MRPS5: variants seen among roughly 807,000 people sequenced by gnomAD.
MRPS5 encodes the protein small ribosomal subunit protein uS5m.
MRPS5 carries 27 observed loss-of-function variants against 51.9 expected under a neutral mutation model. The observed-to-expected ratio is 0.52, with a 90% confidence interval of 0.38 to 0.72. The LOEUF is 0.72. Among genes scored for constraint, MRPS5 ranks in the 30% least tolerant of loss-of-function variants. The pLI is 0.00. For missense variants in MRPS5, 570 were observed against 545.7 expected (o/e 1.04, Z -0.44); for synonymous variants, 196 against 193.2 (o/e 1.01, Z -0.12).
At chr2:95,121,003 A>T (rs1211304071) in intron 1 of MRPS5, among the ~76,000 whole-genome samples, 1 of 152,168 alleles carries the variant, frequency 6.6e-6, no homozygotes, top group Admixed American at 6.5e-5. Context: ...CTGTAATCCC[A>T]GCTACTCAGG....
At chr2:95,114,936 T>C in intron 3 of MRPS5, 130 bp downstream of exon 3, 1 of 820,822 alleles carries the variant, frequency 1.2e-6, no homozygotes, top group Non-Finnish European at 1.8e-6. Flanking sequence ...TCAAGGAACA[T>C]TTTCATTTTA....
chr2:95,100,904 A>G lies in MRPS5; in HGVS notation c.811-10T>C. On this transcript the variant is annotated splice_polypyrimidine_tract_variant and intron_variant, in intron 8 of 11. Transcript: ENST00000272418. ...CTGCTCTGTTCTTTGCCTGAAAGGA[A>G]AATGTTTTTCTTAACTCTATTGTTG... 6.2e-7 allele frequency: 1 copy of G among 1,603,518 alleles called. No homozygotes were observed.
chr2:95,111,743 T>G (rs1676126162), intron 3 of MRPS5, among the ~76,000 whole-genome samples: 1 of 152,246 alleles, frequency 6.6e-6, no homozygotes, highest in African/African-American at 2.4e-5. Context: ...TTTTTCTTTA[T>G]GCATGCATAC....
At chr2:95,088,097 TC>T (rs1217777233) in intron 11 of MRPS5, among the ~76,000 whole-genome samples, 2 of 151,902 alleles carry the variant, frequency 1.3e-5, no homozygotes, top group Non-Finnish European at 2.9e-5. Context: ...ATTAACCTGT[TC>T]TGCAACCTGA....
At chr2:95,110,108 T>C (rs1305341248) in intron 3 of MRPS5, 67 bp from the exon 4 acceptor site, 2 of 1,564,200 alleles carry the variant, frequency 1.3e-6, no homozygotes, top group Non-Finnish European at 8.6e-7. Flanking sequence ...GATCTCCTAT[T>C]GAATAATAAG....
chr2:95,100,455 G>T lies in MRPS5; in HGVS notation c.931+19C>A. Reference sequence around the variant, plus strand: ...TTCTCTGCTTTATCATCAACAAATGGTAAGAGTTTTAAAGTTACCTTTGGG... The same window carrying T: ...TTCTCTGCTTTATCATCAACAAATGTTAAGAGTTTTAAAGTTACCTTTGGG... On this transcript the variant is annotated intron_variant, in intron 10 of 11. Transcript: ENST00000272418. 1 of 1,552,818 alleles carries T rather than the reference G, an allele frequency of 6.4e-7. No individual in the cohort carries two copies. The highest frequency in any genetic ancestry group is 2.2e-5 in the East Asian group (1 of 44,516).
chr2:95,099,479 G>C (rs1675734890), intron 10 of MRPS5, among the ~76,000 whole-genome samples: 1 of 152,082 alleles, frequency 6.6e-6, no homozygotes, highest in Admixed American at 6.6e-5. Flanking sequence ...ATATTTTTGA[G>C]ATATTTTATA....
At position 95,117,625 on chromosome 2, in the gene MRPS5, T is replaced by C. The variant is rs145304719; in HGVS notation, c.139+240A>G. Among the ~76,000 whole-genome samples the C allele has an allele frequency of 8.9e-3, 1,349 of 151,284 alleles. 20 individuals carry two copies. The highest frequency in any genetic ancestry group is 8.5e-3 in the Admixed American group (130 of 15,228). ...CCCCGTAATTGTTATTTAGTTACTA[T>C]TTCATAAAGCCTTGAACTATAACAA... On this transcript the variant is annotated intron_variant, in intron 2 of 11. Coordinates refer to ENST00000272418, the MANE Select transcript of MRPS5 (RefSeq NM_031902.5).
chr2:95,090,227 A>G (rs1023503376), intron 11 of MRPS5, among the ~76,000 whole-genome samples, 159 bp downstream of exon 11: 11 of 151,042 alleles, frequency 7.3e-5, no homozygotes, highest in Admixed American at 6.6e-4. Flanking sequence ...TTGTCAATGG[A>G]TTTAACTAAA....
Position 95,087,449 on chromosome 2 carries a change from C to G in MRPS5, c.1201G>C (p.Val401Leu). 1 of 1,614,184 alleles carries G rather than the reference C, an allele frequency of 6.2e-7. No individual in the cohort carries two copies. The highest frequency in any genetic ancestry group is 1.1e-5 in the South Asian group (1 of 91,082). Residue 401 changes from valine to leucine, a missense_variant, in exon 12 of 12, where the codon GTT becomes CTT. By Grantham distance (32) the Val-to-Leu change is conservative. Coordinates refer to ENST00000272418, the MANE Select transcript of MRPS5 (RefSeq NM_031902.5). Reference sequence around the variant, plus strand: ...TCCCAGTCCAGTTTGACGTCTGGAACCTCATCTTCTGGCTCTGGATCCTTC... The same window carrying G: ...TCCCAGTCCAGTTTGACGTCTGGAAGCTCATCTTCTGGCTCTGGATCCTTC... Reference protein sequence around the residue: ...LRKDPEPEDEVPDVKLDWEDV... With the variant: ...LRKDPEPEDELPDVKLDWEDV...
chr2:95,108,385 C>T lies in MRPS5; in HGVS notation c.427G>A (p.Gly143Arg), dbSNP rs776258188. 13 of 1,613,740 alleles carry T rather than the reference C, an allele frequency of 8.1e-6. No individual in the cohort carries two copies. The highest frequency in any genetic ancestry group is 1.6e-4 in the Middle Eastern group (1 of 6,062). Residue 143 changes from glycine (G) to arginine (R), a missense_variant, in exon 5 of 12, where the codon GGA becomes AGA. Physicochemically the swap from Gly to Arg is moderately radical, Grantham distance 125. Transcript: ENST00000272418. ...GEGRYGFLWP[G>R]LNVPLMKNGA... ...TTTTTCATAAGAGGGACATTCAGTCCGGGCCATAGAAAACCATAACGCCCT... is the reference window on the plus strand; with the variant it reads ...TTTTTCATAAGAGGGACATTCAGTCTGGGCCATAGAAAACCATAACGCCCT...
chr2:95,087,359 A>C lies in MRPS5; in HGVS notation c.1291T>G (p.Ter431GluextTer46). 1.2e-6 allele frequency: 2 copies of C among 1,613,602 alleles called. No individual in the cohort carries two copies. The highest frequency in any genetic ancestry group is 1.7e-6 in the Non-Finnish European group (2 of 1,179,514). The change falls in exon 12 of 12, where the codon TAA becomes GAA. Residue 431 changes from the stop codon to glutamate, a stop_lost. Coordinates refer to ENST00000272418, the MANE Select transcript of MRPS5 (RefSeq NM_031902.5). ...VWSNLKRAAT[*>E] ...CTGGCTGCACAAGGCCAGAGAGGTTACGTGGCGGCTCTCTTCAAATTAGAC... is the reference window on the plus strand; with the variant it reads ...CTGGCTGCACAAGGCCAGAGAGGTTCCGTGGCGGCTCTCTTCAAATTAGAC...
Position 95,106,235 on chromosome 2 carries a change from G to A in MRPS5, c.672+188C>T, listed in dbSNP as rs761226378. 9.2e-4 allele frequency among the ~76,000 whole-genome samples: 140 copies of A among 152,292 alleles called. 3 individuals carry two copies. The highest frequency in any genetic ancestry group is 3.4e-3 in the Middle Eastern group (1 of 294). On this transcript the variant is annotated intron_variant, in intron 6 of 11. Transcript: ENST00000272418. ...AGCTCCCCGCCCCACAGAGAGGGTA[G>A]TAGTCAGAAGAGCCAGTATCCAGTA...
intron 3 of MRPS5, among the ~76,000 whole-genome samples, chr2:95,112,254 G>A (rs549882202): frequency 3.7e-4 from 56 of 151,972 alleles, no homozygotes; most frequent in Non-Finnish European, 6.6e-4. Context: ...TAGTAGAGAC[G>A]GGGTTTCACC....
In MRPS5 at chr2:95,115,137, G is replaced by A; in HGVS notation, c.206C>T (p.Thr69Ile). 1 of 1,613,128 alleles carries A rather than the reference G, an allele frequency of 6.2e-7. No individual in the cohort carries two copies. The highest frequency in any genetic ancestry group is 8.5e-7 in the Non-Finnish European group (1 of 1,179,754). The change falls in exon 3 of 12, where the codon ACA becomes ATA. Residue 69 changes from threonine to isoleucine, a missense_variant. Physicochemically the swap from Thr to Ile is moderately conservative, Grantham distance 89. Coordinates refer to ENST00000272418, the MANE Select transcript of MRPS5 (RefSeq NM_031902.5). ...ACTGGGAGAAGAAATACAGCATTGT[G>A]TCTGCAGTGCACGGCTCAAGCTGGC... ...PYASLSRALQ[T>I]QCCISSPSHL...
intron 5 of MRPS5, among the ~76,000 whole-genome samples, chr2:95,106,885 C>A (rs1379838779): frequency 6.6e-6 from 1 of 152,142 alleles, no homozygotes; most frequent in Admixed American, 6.5e-5. Flanking sequence ...AGCTCTCTGG[C>A]CACTCCTGAC....
intron 10 of MRPS5, among the ~76,000 whole-genome samples, chr2:95,096,069 A>G (rs1384687665): frequency 5.3e-5 from 8 of 152,246 alleles, no homozygotes; most frequent in Non-Finnish European, 1.2e-4. Flanking sequence ...CTACACAAAT[A>G]AACTAGAAAA....
Position 95,097,779 on chromosome 2 carries a change from T to C in MRPS5, c.931+2695A>G, listed in dbSNP as rs548954701. 3.3e-5 allele frequency among the ~76,000 whole-genome samples: 5 copies of C among 152,326 alleles called. No homozygotes were observed. In the South Asian group the frequency reaches 1.0e-3, roughly 32 times the overall value. On this transcript the variant is annotated intron_variant, in intron 10 of 11. Transcript: ENST00000272418. ...AACCAAGGCAATACCATTCAGGTCA[T>C]AGGCATGGGCAAGGACTTCATGACT...
At position 95,109,976 on chromosome 2, in the gene MRPS5, C is replaced by T. The variant is rs534303990; in HGVS notation, c.343G>A (p.Gly115Ser). 2 of 1,613,980 alleles carry T rather than the reference C, an allele frequency of 1.2e-6. No homozygotes were observed. The highest frequency in any genetic ancestry group is 1.3e-5 in the African/African-American group (1 of 75,000). ...CTTTTCTTCTTTTTAGTTCTTTTGC[C>T]TCTTCCTTTTTTTGCTCCAGCACCA... The part of the protein sequence containing the change: ...ETGAGAKKGR[G>S]KRTKKKKRKD... Residue 115 changes from glycine (G) to serine (S), a missense_variant, in exon 4 of 12, where the codon GGC (glycine) becomes AGC (serine). By Grantham distance (56) the Gly-to-Ser change is moderately conservative. Coordinates refer to ENST00000272418, the MANE Select transcript of MRPS5 (RefSeq NM_031902.5).
Sources: allele counts gnomAD v4.1 joint callset (sites outside exome capture counted in the v4.1 genomes callset), GRCh38; gene constraint gnomAD v4.1.1; transcripts MANE v1.5; gene names NCBI Gene and HGNC (gene_info 2026-07-23, HGNC 2026-07-21).